Variants in RABGAP1L observed in about 807,000 individuals in gnomAD.
The protein encoded by RABGAP1L is rab GTPase-activating protein 1-like.
In RABGAP1L, 63 loss-of-function variants were observed where a neutral mutation model predicts 137.7. The observed-to-expected ratio is 0.46, with a 90% CI of 0.37 to 0.56. The LOEUF (loss-of-function observed/expected upper bound fraction) is 0.56. Among genes scored for constraint, RABGAP1L ranks in the 20% least tolerant of loss-of-function variants. The pLI is 0.00. For synonymous variants in RABGAP1L, 431 were observed against 433.7 expected, an observed-to-expected ratio of 0.99 and a Z score of 0.08; for missense variants, 1,095 against 1,244.0, an observed-to-expected ratio of 0.88 and a Z score of 1.80.
chr1:174,299,110 G>T (rs577323663), intron 10 of RABGAP1L, among the ~76,000 whole-genome samples: 1 of 152,282 alleles, frequency 6.6e-6, no homozygotes, highest in East Asian at 1.9e-4. Flanking sequence ...TTTTATACTT[G>T]GCCTGATTAT....
At chr1:174,291,218 C>T (rs567265815) in intron 10 of RABGAP1L, among the ~76,000 whole-genome samples, 1 of 151,922 alleles carries the variant, frequency 6.6e-6, no homozygotes, top group African/African-American at 2.4e-5. Context: ...TTTTCTGCAT[C>T]TTTGTGGTTT....
At chr1:174,237,291 G>T (rs1182058984) in intron 4 of RABGAP1L, among the ~76,000 whole-genome samples, 5 of 61,572 alleles carry the variant, frequency 8.1e-5, no homozygotes, top group Non-Finnish European at 1.5e-4. Context: ...ATATTGTTAT[G>T]TGTGAATTTG....
intron 13 of RABGAP1L, among the ~76,000 whole-genome samples, chr1:174,455,937 A>C (rs1422625325): frequency 6.6e-6 from 1 of 152,152 alleles, no homozygotes; most frequent in Non-Finnish European, 1.5e-5. Context: ...ACTACTGACG[A>C]CGTGTCTTGT....
intron 1 of RABGAP1L, among the ~76,000 whole-genome samples, chr1:174,215,467 AAAT>A (rs1252853662): frequency 7.8e-4 from 117 of 150,822 alleles, no homozygotes; most frequent in Non-Finnish European, 1.5e-3. Context: ...CAAAAAAAAA[AAAT>A]AATAATAATA....
chr1:174,540,819 A>C (rs1235870458), intron 13 of RABGAP1L, among the ~76,000 whole-genome samples: 2 of 152,128 alleles, frequency 1.3e-5, no homozygotes, highest in African/African-American at 4.8e-5. Context: ...AGTTTTTTCC[A>C]ATTCTGTGAA....
chr1:174,733,385 G>A (rs529463335), intron 17 of RABGAP1L, among the ~76,000 whole-genome samples: 32 of 152,218 alleles, frequency 2.1e-4, no homozygotes, highest in South Asian at 4.1e-4. Flanking sequence ...TGCCTGCTTC[G>A]TTTCTCTCTG....
At chr1:174,546,077 A>T (rs774795997) in intron 13 of RABGAP1L, among the ~76,000 whole-genome samples, 38 of 152,164 alleles carry the variant, frequency 2.5e-4, no homozygotes, top group Non-Finnish European at 4.7e-4. Flanking sequence ...GCTTTTTTAG[A>T]TCTAGCCTGT....
chr1:174,368,518 G>C (rs114846420), intron 11 of RABGAP1L, among the ~76,000 whole-genome samples: 229 of 152,086 alleles, frequency 1.5e-3, no homozygotes, highest in African/African-American at 5.3e-3. Context: ...ACGTTTCATT[G>C]TTTTAATTTG....
chr1:174,474,483 A>G (rs544825069), intron 13 of RABGAP1L, among the ~76,000 whole-genome samples: 2 of 152,328 alleles, frequency 1.3e-5, no homozygotes, highest in East Asian at 3.9e-4. Context: ...TTATGAGGCC[A>G]GTATGTAAAG....
Position 174,724,636 on chromosome 1 carries a change from G to A in RABGAP1L, c.2169+22380G>A, listed in dbSNP as rs149021081. ...TTTATTAAATATTGAACACTTTAAT[G>A]TGCTGACACTGAAATAGTCCTAACA... On this transcript the variant is annotated intron_variant, in intron 17 of 25. Coordinates refer to ENST00000681986, the MANE Select transcript of RABGAP1L (RefSeq NM_001366446.1). 4.3e-4 allele frequency among the ~76,000 whole-genome samples: 66 copies of A among 152,220 alleles called. No homozygotes were observed. In the East Asian group the frequency reaches 0.01, roughly 24 times the overall value.
chr1:174,755,699 CAT>C (rs2148685863), intron 18 of RABGAP1L, among the ~76,000 whole-genome samples: 1 of 152,254 alleles, frequency 6.6e-6, no homozygotes, highest in African/African-American at 2.4e-5. Flanking sequence ...TACCTATACA[CAT>C]ATGTATATAT....
intron 11 of RABGAP1L, among the ~76,000 whole-genome samples, chr1:174,349,023 C>G (rs1264433540): frequency 6.7e-6 from 1 of 150,176 alleles, no homozygotes; most frequent in Non-Finnish European, 1.5e-5. Context: ...CCTCACCTCC[C>G]GGACAGGGCG....
chr1:174,570,061 G>T (rs1001109070), intron 13 of RABGAP1L, among the ~76,000 whole-genome samples: 4 of 152,162 alleles, frequency 2.6e-5, no homozygotes, highest in African/African-American at 9.6e-5. Flanking sequence ...TGTGCTTTTA[G>T]ATGCTGCATG....
chr1:174,588,008 C>T (rs777159571), intron 13 of RABGAP1L, among the ~76,000 whole-genome samples: 6 of 152,040 alleles, frequency 3.9e-5, no homozygotes, highest in Non-Finnish European at 5.9e-5. Flanking sequence ...GGACTACAGG[C>T]GTGCACAACC....
chr1:174,864,366 C>T (rs537815166), intron 19 of RABGAP1L, among the ~76,000 whole-genome samples: 65 of 152,304 alleles, frequency 4.3e-4, no homozygotes, highest in Admixed American at 7.8e-4. Context: ...TTCATTCTCA[C>T]GCTGCTAATA....
In RABGAP1L at chr1:174,707,545, A is replaced by G. The variant is rs181076375; in HGVS notation, c.2169+5289A>G. On this transcript the variant is annotated intron_variant, in intron 17 of 25. Transcript: ENST00000681986. ...AACCTTTCCTAGACAGCCTTGTTCA[A>G]GTTACTTGACCTATGTAAATCTCAT... 5.3e-5 allele frequency among the ~76,000 whole-genome samples: 8 copies of G among 152,330 alleles called. No homozygotes were observed. The East Asian group carries it at 1.5e-3, about 29-fold the overall frequency.
At chr1:174,399,917 G>T (rs531795317) in intron 13 of RABGAP1L, among the ~76,000 whole-genome samples, 1 of 152,282 alleles carries the variant, frequency 6.6e-6, no homozygotes, top group Admixed American at 6.5e-5. Flanking sequence ...CAATTCAAAT[G>T]AGATTTGGGT....
chr1:174,604,875 G>A (rs1188765548), intron 13 of RABGAP1L, among the ~76,000 whole-genome samples: 2 of 152,148 alleles, frequency 1.3e-5, no homozygotes, highest in Non-Finnish European at 2.9e-5. Context: ...TGGGTACAGT[G>A]GCTCACAACT....
chr1:174,313,170 C>T (rs758974520), intron 11 of RABGAP1L, among the ~76,000 whole-genome samples: 34 of 152,142 alleles, frequency 2.2e-4, no homozygotes, highest in Non-Finnish European at 4.6e-4. Context: ...GTGATCTGCC[C>T]GCCTCGGCCT....
Sources: allele counts gnomAD v4.1 joint callset (sites outside exome capture counted in the v4.1 genomes callset), GRCh38; gene constraint gnomAD v4.1.1; transcripts MANE v1.5; gene names NCBI Gene and HGNC (gene_info 2026-07-23, HGNC 2026-07-21).